Variants in NEMP2 observed in about 807,000 individuals in gnomAD.
The protein encoded by NEMP2 is UPF0571 transmembrane protein.
NEMP2 carries 53 observed loss-of-function variants against 54.2 expected under a neutral mutation model. The ratio of observed to expected loss-of-function variants is 0.98; its 90% CI spans 0.78 to 1.23. The LOEUF (loss-of-function observed/expected upper bound fraction) is 1.23, where lower values mean the gene tolerates loss of function less well. Ranked by LOEUF, NEMP2 falls within the 50% of genes most tolerant of loss-of-function variation. The pLI is 0.00. For missense variants in NEMP2, 455 were observed against 511.3 expected, an observed-to-expected ratio of 0.89 and a Z score of 1.06; for synonymous variants, 197 against 190.3, an observed-to-expected ratio of 1.04 and a Z score of -0.29.
chr2:190,607,271 G>A, the NEMP2 span, among the ~76,000 whole-genome samples: 2,068 of 152,264 alleles, frequency 0.014, 44 homozygotes, highest in East Asian at 0.1. This position sits in a 1 kb window ranked among gnomAD's most constrained non-coding sequence, Gnocchi z 5.2. Context: ...AGAAAGATGA[G>A]GCTGGAAGGA....
At chr2:190,511,917 C>T (rs1289108832) in intron 7 of NEMP2, among the ~76,000 whole-genome samples, 4 of 150,232 alleles carry the variant, frequency 2.7e-5, no homozygotes, top group Non-Finnish European at 5.9e-5. Flanking sequence ...TAAATTTAAC[C>T]AGAGATTTTG....
At chr2:190,560,626 G>GACC in the NEMP2 span, among the ~76,000 whole-genome samples, 4 of 152,190 alleles carry the variant, frequency 2.6e-5, no homozygotes, top group Non-Finnish European at 5.9e-5. The surrounding 1 kb of genome is among the most constrained non-coding windows in gnomAD (Gnocchi z 5.4). Context: ...GATCTTAGGT[G>GACC]ATACCTTCTT....
the NEMP2 span, among the ~76,000 whole-genome samples, chr2:190,600,945 T>G: frequency 6.6e-6 from 1 of 152,070 alleles, no homozygotes; most frequent in African/African-American, 2.4e-5. This position sits in a 1 kb window ranked among gnomAD's most constrained non-coding sequence, Gnocchi z 4.9. Context: ...TGTCACACAG[T>G]GCTAGTACCT....
In NEMP2 at chr2:190,509,893, C is replaced by T. The variant is rs1690296746; in HGVS notation, c.1130+468G>A. ...TCTCTACTGAAAATACAAAAATTAG[C>T]CGGGCATGGTGGCGCCCGCGCCTTG... On this transcript the variant is annotated intron_variant, in intron 8 of 8. Transcript: ENST00000409150. The surrounding 1 kb of genome is among the most constrained non-coding windows in gnomAD (Gnocchi z 6.1). Among the ~76,000 whole-genome samples, 1 of 152,218 alleles carries T rather than the reference C, an allele frequency of 6.6e-6. No individual in the cohort carries two copies. The highest frequency in any genetic ancestry group is 1.5e-5 in the Non-Finnish European group (1 of 68,036).
the NEMP2 span, chr2:190,609,689 A>C: frequency 5.3e-5 from 8 of 152,306 alleles, no homozygotes; most frequent in Admixed American, 2.0e-4. The surrounding 1 kb of genome is among the most constrained non-coding windows in gnomAD (Gnocchi z 4.7). Context: ...GGCCTGCCAC[A>C]ATCACCACTG....
the NEMP2 span, among the ~76,000 whole-genome samples, chr2:190,439,342 C>G: frequency 6.6e-6 from 1 of 151,738 alleles, no homozygotes; most frequent in Non-Finnish European, 1.5e-5. The surrounding 1 kb of genome is among the most constrained non-coding windows in gnomAD (Gnocchi z 5.8). Flanking sequence ...TGTTTAGGTT[C>G]TATTTTCTTT....
chr2:190,544,354 G>A, the NEMP2 span, among the ~76,000 whole-genome samples: 1 of 151,922 alleles, frequency 6.6e-6, no homozygotes, highest in African/African-American at 2.4e-5. Context: ...ATATTGTATA[G>A]GATTAGAATA....
the NEMP2 span, chr2:190,464,950 A>G: frequency 2.1e-5 from 21 of 976,884 alleles, no homozygotes; most frequent in Non-Finnish European, 2.6e-5. Flanking sequence ...ATAGTTGGTT[A>G]AATTTAGAAA....
At chr2:190,427,673 G>A in the NEMP2 span, among the ~76,000 whole-genome samples, 1 of 151,938 alleles carries the variant, frequency 6.6e-6, no homozygotes, top group Admixed American at 6.6e-5. Flanking sequence ...GTACTTAGCA[G>A]AAGTGATAGA....
chr2:190,541,431 G>T, the NEMP2 span, among the ~76,000 whole-genome samples: 1 of 152,016 alleles, frequency 6.6e-6, no homozygotes, highest in African/African-American at 2.4e-5. The surrounding 1 kb of genome is among the most constrained non-coding windows in gnomAD (Gnocchi z 5.2). Context: ...TGTTGTATTT[G>T]TACTTTCATT....
the NEMP2 span, among the ~76,000 whole-genome samples, chr2:190,618,856 C>A: frequency 6.6e-6 from 1 of 152,228 alleles, no homozygotes; most frequent in Non-Finnish European, 1.5e-5. Context: ...GGATTACAGG[C>A]ATGAGCCACA....
In NEMP2 at chr2:190,509,983, A is replaced by G. The variant is rs943666636; in HGVS notation, c.1130+378T>C. 2.0e-5 allele frequency among the ~76,000 whole-genome samples: 3 copies of G among 152,182 alleles called. No homozygotes were observed. Among genetic ancestry groups the G allele is most frequent in the African/African-American group, 2.4e-5 (1 of 41,448 alleles). On this transcript the variant is annotated intron_variant, in intron 8 of 8. Transcript: ENST00000409150. This position sits in a 1 kb window ranked among gnomAD's most constrained non-coding sequence, Gnocchi z 6.1. Reference sequence around the variant, plus strand: ...TTGAACCTGGCAGGCGGAGGTTGCAATGAGCTGAGATTGCACCATTGCACT... The same window carrying G: ...TTGAACCTGGCAGGCGGAGGTTGCAGTGAGCTGAGATTGCACCATTGCACT...
chr2:190,595,713 C>A, the NEMP2 span, among the ~76,000 whole-genome samples: 1 of 152,134 alleles, frequency 6.6e-6, no homozygotes, highest in East Asian at 1.9e-4. The surrounding 1 kb of genome is among the most constrained non-coding windows in gnomAD (Gnocchi z 4.0). Context: ...CATCTCACAC[C>A]AGTTAGAATG....
the NEMP2 span, among the ~76,000 whole-genome samples, chr2:190,540,704 G>T: frequency 6.6e-6 from 1 of 152,110 alleles, no homozygotes; most frequent in Non-Finnish European, 1.5e-5. Context: ...TTTGTGTGTG[G>T]GTCCTTATCT....
At chr2:190,558,028 G>A in the NEMP2 span, among the ~76,000 whole-genome samples, 1 of 152,182 alleles carries the variant, frequency 6.6e-6, no homozygotes, top group South Asian at 2.1e-4. The surrounding 1 kb of genome is among the most constrained non-coding windows in gnomAD (Gnocchi z 4.4). Context: ...GCACACATAT[G>A]TTTATTGCAG....
chr2:190,431,638 G>A, the NEMP2 span, among the ~76,000 whole-genome samples: 2 of 152,220 alleles, frequency 1.3e-5, no homozygotes, highest in South Asian at 4.1e-4. The surrounding 1 kb of genome is among the most constrained non-coding windows in gnomAD (Gnocchi z 4.4). Context: ...AGGTTGCAGT[G>A]AGCCGAGATG....
At chr2:190,567,204 G>A in the NEMP2 span, among the ~76,000 whole-genome samples, 1 of 152,038 alleles carries the variant, frequency 6.6e-6, no homozygotes, top group Non-Finnish European at 1.5e-5. This position sits in a 1 kb window ranked among gnomAD's most constrained non-coding sequence, Gnocchi z 4.0. Context: ...AAAAACTTCA[G>A]TAGTAGGAGT....
At chr2:190,457,982 G>A in the NEMP2 span, among the ~76,000 whole-genome samples, 6 of 152,184 alleles carry the variant, frequency 3.9e-5, no homozygotes, top group Non-Finnish European at 8.8e-5. This position sits in a 1 kb window ranked among gnomAD's most constrained non-coding sequence, Gnocchi z 5.1. Flanking sequence ...GGTCAGATTA[G>A]GTTGTACAAA....
chr2:190,617,705 ATAACT>A, the NEMP2 span, among the ~76,000 whole-genome samples: 37 of 152,332 alleles, frequency 2.4e-4, no homozygotes, highest in South Asian at 2.5e-3. The surrounding 1 kb of genome is among the most constrained non-coding windows in gnomAD (Gnocchi z 5.0). Context: ...TTTCTAGAAA[ATAACT>A]TAACAAGATT....
Sources: gnomAD v4.1 joint callset for allele counts (sites outside exome capture counted in the v4.1 genomes callset) on GRCh38, gnomAD v4.1.1 for gene constraint, Gnocchi (gnomAD v3.1) non-coding constraint, MANE v1.5 for transcripts, NCBI Gene and HGNC (gene_info 2026-07-23, HGNC 2026-07-21) for gene names.